The following SCML2 variants were observed in gnomAD, a reference collection of about 807,000 sequenced individuals.
SCML2 encodes sex comb on midleg-like protein 2.
SCML2 carries 6 observed loss-of-function variants against 48.4 expected under a neutral mutation model. The ratio of observed to expected loss-of-function variants is 0.12; its 90% CI spans 0.07 to 0.24. The LOEUF is 0.24. SCML2 is among the 10% of genes least tolerant of loss of function. SCML2 has a pLI of 1.00. For synonymous variants in SCML2, 181 were observed against 189.5 expected (o/e 0.95, Z 0.37); for missense variants, 377 against 528.2 (o/e 0.71, Z 2.81).
chrX:18,296,795 T>C (rs1325122018), intron 7 of SCML2, among the ~76,000 whole-genome samples: 2 of 111,565 alleles, frequency 1.8e-5, no homozygotes, highest in African/African-American at 6.5e-5. Flanking sequence ...TGGGATCAGA[T>C]GACTTCACTG....
intron 6 of SCML2, among the ~76,000 whole-genome samples, chrX:18,313,038 A>G (rs1296007389): frequency 9.3e-6 from 1 of 107,097 alleles, no homozygotes; most frequent in Non-Finnish European, 1.9e-5. Context: ...TATTCTGTGC[A>G]TTGTAGGATG....
At chrX:18,316,745 A>G (rs191565780) in intron 6 of SCML2, among the ~76,000 whole-genome samples, 1 of 111,976 alleles carries the variant, frequency 8.9e-6, no homozygotes, top group African/African-American at 3.2e-5. Context: ...GCAAATCTCC[A>G]TCTGTATTTA....
intron 7 of SCML2, among the ~76,000 whole-genome samples, chrX:18,293,696 G>C (rs185101621): frequency 8.9e-6 from 1 of 112,229 alleles, no homozygotes; most frequent in Non-Finnish European, 1.9e-5. Context: ...CCTACAAACA[G>C]AACTACCATG....
chrX:18,341,271 A>G, intron 1 of SCML2: 1 of 615,171 alleles, frequency 1.6e-6, no homozygotes, highest in Non-Finnish European at 2.4e-6. Context: ...GCCAAGCTGA[A>G]GAAAACAGAG....
chrX:18,318,017 T>C (rs1352119168), intron 6 of SCML2, among the ~76,000 whole-genome samples: 1 of 111,554 alleles, frequency 9.0e-6, no homozygotes, highest in Non-Finnish European at 1.9e-5. Flanking sequence ...ATTAAAAAAA[T>C]TGAAAATATA....
intron 7 of SCML2, among the ~76,000 whole-genome samples, chrX:18,285,262 T>C (rs184369822): frequency 3.2e-4 from 35 of 110,116 alleles, no homozygotes; most frequent in African/African-American, 1.2e-3. Flanking sequence ...CATATGTTCA[T>C]TGCTGCACTA....
chrX:18,295,862 T>C (rs1380064584), intron 7 of SCML2, among the ~76,000 whole-genome samples: 1 of 112,195 alleles, frequency 8.9e-6, no homozygotes, highest in Non-Finnish European at 1.9e-5. Flanking sequence ...AATGACACTG[T>C]TTACAGCCAA....
intron 13 of SCML2, among the ~76,000 whole-genome samples, chrX:18,245,153 T>C (rs1450030786): frequency 8.9e-6 from 1 of 112,009 alleles, no homozygotes; most frequent in Non-Finnish European, 1.9e-5. Context: ...TGAAATATTA[T>C]ATCCCTGGCA....
At chrX:18,318,896 C>G (rs751517613) in intron 6 of SCML2, among the ~76,000 whole-genome samples, 3 of 111,875 alleles carry the variant, frequency 2.7e-5, no homozygotes, top group African/African-American at 9.7e-5. Context: ...GAAGCACTAA[C>G]CCCCAGTACC....
chrX:18,275,884 A>T (rs1602097389), intron 7 of SCML2, among the ~76,000 whole-genome samples: 1 of 112,738 alleles, frequency 8.9e-6, no homozygotes, highest in African/African-American at 3.2e-5. Flanking sequence ...GTACCACTTC[A>T]TACTCACTAG....
chrX:18,321,642 A>C lies in SCML2; in HGVS notation c.398-1222T>G, dbSNP rs773634949. On this transcript the variant is annotated intron_variant, in intron 5 of 14. Transcript: ENST00000251900. ...AAACAGGGGTGGGGGGAGATTTGTT[A>C]CATACTCCCTTATAATAAATCAACA... is the stretch of plus-strand genomic sequence containing the variant. Among the ~76,000 whole-genome samples, 3 of 106,293 alleles carry C rather than the reference A, an allele frequency of 2.8e-5. No individual in the cohort carries two copies. The South Asian group carries it at 1.3e-3, about 45-fold the overall frequency. 92.3% of individuals were successfully genotyped at this position (106,293 alleles called of 115,157 possible).
intron 7 of SCML2, among the ~76,000 whole-genome samples, chrX:18,271,214 T>C (rs1927447865): frequency 1.8e-5 from 2 of 110,864 alleles, no homozygotes; most frequent in African/African-American, 6.6e-5. Flanking sequence ...TTGCATGAAA[T>C]CCTCCCAAAC....
At chrX:18,354,738 CGCGG>C (rs1247917381), upstream of SCML2, 1 of 225,965 alleles carries the variant, frequency 4.4e-6, no homozygotes, top group South Asian at 2.2e-4. Flanking sequence ...CCGCCCCCCG[CGCGG>C]CCGGCCCGCG....
At chrX:18,264,984 T>A (rs1927209675) in intron 8 of SCML2, among the ~76,000 whole-genome samples, 1 of 111,717 alleles carries the variant, frequency 9.0e-6, no homozygotes, top group Non-Finnish European at 1.9e-5. Context: ...CCAGATAAAT[T>A]GTTGTTTTTC....
chrX:18,345,397 A>C (rs891322753), intron 1 of SCML2, among the ~76,000 whole-genome samples: 4 of 111,057 alleles, frequency 3.6e-5, no homozygotes, highest in African/African-American at 1.3e-4. Context: ...GTTTTTAAAA[A>C]CAATTTTTTT....
intron 6 of SCML2, among the ~76,000 whole-genome samples, chrX:18,319,467 G>A (rs1929237250): frequency 1.8e-5 from 2 of 109,134 alleles, no homozygotes; most frequent in Admixed American, 9.8e-5. Context: ...GGGCATGATG[G>A]TGCACGCCTG....
At chrX:18,300,508 C>T (rs1928551860) in intron 7 of SCML2, among the ~76,000 whole-genome samples, 2 of 108,157 alleles carry the variant, frequency 1.8e-5, no homozygotes, top group Non-Finnish European at 3.8e-5. Context: ...AAAAAAAGAT[C>T]GGCCAGGCAT....
chrX:18,302,069 CAAAGTG>C (rs905730096), intron 7 of SCML2, among the ~76,000 whole-genome samples: 1 of 110,773 alleles, frequency 9.0e-6, no homozygotes, highest in Non-Finnish European at 1.9e-5. Flanking sequence ...AAAGTTCACT[CAAAGTG>C]AATGTCAACT....
intron 7 of SCML2, among the ~76,000 whole-genome samples, chrX:18,288,927 T>C (rs376944374): frequency 2.3e-4 from 26 of 111,438 alleles, no homozygotes; most frequent in Admixed American, 8.6e-4. Flanking sequence ...AGGAGGGGAC[T>C]AAGGGGACTG....
Sources: allele counts gnomAD v4.1 joint callset (sites outside exome capture counted in the v4.1 genomes callset), GRCh38; gene constraint gnomAD v4.1.1; transcripts MANE v1.5; gene names NCBI Gene and HGNC (gene_info 2026-07-23, HGNC 2026-07-21).